The following FSIP2 variants were observed in gnomAD, a reference collection of about 807,000 sequenced individuals.
The protein encoded by FSIP2 is fibrous sheath interacting protein 2, also known as fibrous sheath-interacting protein 2.
In FSIP2, 367 loss-of-function variants were observed where a neutral mutation model predicts 510.5. The ratio of observed to expected loss-of-function variants is 0.72; its 90% confidence interval spans 0.66 to 0.78. FSIP2 has a LOEUF of 0.78. FSIP2 is among the 30% of genes least tolerant of loss of function. The probability of loss-of-function intolerance (pLI) is 0.00; values close to 1 mark genes in which losing one functional copy is unlikely to be tolerated. For synonymous variants in FSIP2, 2,601 were observed against 2,732.2 expected (o/e 0.95, Z 1.50); for missense variants, 7,594 against 7,901.7 (o/e 0.96, Z 1.48).
intron 13 of FSIP2, among the ~76,000 whole-genome samples, chr2:185,772,759 A>G (rs7584319): frequency 0.31 from 47,567 of 151,796 alleles, 7,728 homozygotes; most frequent in Middle Eastern, 0.4. Flanking sequence ...TGTTTTCATA[A>G]TGGTGAATAT....
In FSIP2 at chr2:185,793,246, T is replaced by C. The variant is rs1344590247; in HGVS notation, c.6110T>C (p.Ile2037Thr). Residue 2037 changes from isoleucine to threonine, a missense_variant, in exon 16 of 23, where the codon ATT becomes ACT. Physicochemically the swap from Ile to Thr is moderately conservative, Grantham distance 89. Transcript: ENST00000424728. ...CATGACATTGGGATTTCTGAAAGTA[T>C]TGCAAGTCAAATTGTTAACGCATTG... ...LTHDIGISES[I>T]ASQIVNALLD... The C allele has an allele frequency of 4.6e-6, 7 of 1,534,052 alleles. No individual in the cohort carries two copies. The highest frequency in any genetic ancestry group is 2.0e-5 in the Admixed American group (1 of 50,834).
At chr2:185,786,696 A>G (rs1350801096) in intron 15 of FSIP2, among the ~76,000 whole-genome samples, 1 of 151,858 alleles carries the variant, frequency 6.6e-6, no homozygotes, top group African/African-American at 2.4e-5. Flanking sequence ...AGTTTTGTGA[A>G]AAGGGACCTG....
In FSIP2 at chr2:185,747,819, AAAAG is replaced by A. The variant is rs1692064165; in HGVS notation, c.870+402_870+405del. Reference sequence around the variant, plus strand: ...TTGTGATTTAGAGTGTAAATCAATAAAAAGAAAGAGAAAAATCCTACCACCACCA... The same window carrying A: ...TTGTGATTTAGAGTGTAAATCAATAAAAAGAGAAAAATCCTACCACCACCA... On this transcript the variant is annotated intron_variant, in intron 7 of 22. Coordinates refer to ENST00000424728, the MANE Select transcript of FSIP2 (RefSeq NM_173651.4). Among the ~76,000 whole-genome samples the A allele has an allele frequency of 2.0e-5, 3 of 152,044 alleles. No individual in the cohort carries two copies. The South Asian group carries it at 6.2e-4, about 31-fold the overall frequency.
chr2:185,820,555 A>T lies in FSIP2; in HGVS notation c.20427-3879A>T, dbSNP rs556334173. On this transcript the variant is annotated intron_variant, in intron 19 of 22. Transcript: ENST00000424728. ...CACAGTTTTCTCAAATGCACATAGCACACTCCCCAGGATAAATTATATCTT... is the reference window on the plus strand; with the variant it reads ...CACAGTTTTCTCAAATGCACATAGCTCACTCCCCAGGATAAATTATATCTT... 4.0e-5 allele frequency among the ~76,000 whole-genome samples: 6 copies of T among 151,742 alleles called. No individual in the cohort carries two copies. The East Asian group carries it at 1.2e-3, about 30-fold the overall frequency.
At chr2:185,763,156 A>G (rs1483775569) in intron 11 of FSIP2, 27 bp from the exon 12 acceptor site, 7 of 990,776 alleles carry the variant, frequency 7.1e-6, no homozygotes, top group Non-Finnish European at 1.1e-5. Flanking sequence ...AGCTTCTCAT[A>G]TTTAAAGTTA....
Position 185,803,816 on chromosome 2 carries a change from T to A in FSIP2, c.14510T>A (p.Ile4837Asn). 1 of 1,508,948 alleles carries A rather than the reference T, an allele frequency of 6.6e-7. No individual in the cohort carries two copies. Among genetic ancestry groups the A allele is most frequent in the Non-Finnish European group, 8.8e-7 (1 of 1,131,890 alleles). The allele number at this position is 1,508,948 out of a possible 1,614,324, so 93.5% of individuals were successfully genotyped here. A position where few individuals can be genotyped will look rare whatever the true frequency, so the allele number is the denominator to read the frequency against. The change falls in exon 17 of 23, where the codon ATT becomes AAT. Residue 4837 changes from isoleucine (I) to asparagine (N), a missense_variant. By Grantham distance (149) the Ile-to-Asn change is moderately radical. Coordinates refer to ENST00000424728, the MANE Select transcript of FSIP2 (RefSeq NM_173651.4). ...IKLINEIMSI[I>N]SKHEICIIKY... ...CTGATAAATGAAATTATGTCAATAA[T>A]TTCAAAACATGAAATATGTATTATT...
Position 185,764,537 on chromosome 2 carries a change from C to T in FSIP2, c.1383C>T (p.Thr461=). Reference sequence around the variant, plus strand: ...ATGCTGATTGGGATGGAAGACCAACCAAGAGATCAAGCTATCTCTGCGAAT... The same window carrying T: ...ATGCTGATTGGGATGGAAGACCAACTAAGAGATCAAGCTATCTCTGCGAAT... ...ETNADWDGRP[T]KRSSYLCESG... is the part of the protein sequence containing the mutation. Residue 461 remains threonine (T), a synonymous_variant, in exon 13 of 23, where the codon ACC becomes ACT. Transcript: ENST00000424728. 6.5e-7 allele frequency: 1 copy of T among 1,530,250 alleles called. No homozygotes were observed. The highest frequency in any genetic ancestry group is 8.8e-7 in the Non-Finnish European group (1 of 1,142,726). 94.8% of individuals were successfully genotyped at this position (1,530,250 alleles called of 1,614,324 possible).
At position 185,805,486 on chromosome 2, in the gene FSIP2, A is replaced by T; in HGVS notation, c.16180A>T (p.Ile5394Phe). 1 of 1,611,732 alleles carries T rather than the reference A, an allele frequency of 6.2e-7. No individual in the cohort carries two copies. The highest frequency in any genetic ancestry group is 8.5e-7 in the Non-Finnish European group (1 of 1,178,484). ...CCAGAAGGCAATATCTGCATTCAGG[A>T]TTCAACCACTTTTTTCAGGAGACTG... ...LTQKAISAFR[I>F]QPLFSGDWSS... Residue 5394 changes from isoleucine to phenylalanine, a missense_variant, in exon 17 of 23, where the codon ATT (isoleucine) becomes TTT (phenylalanine). Ile to Phe is a conservative substitution (Grantham distance 21). Coordinates refer to ENST00000424728, the MANE Select transcript of FSIP2 (RefSeq NM_173651.4).
chr2:185,746,490 G>GC (rs1692036788), intron 5 of FSIP2, among the ~76,000 whole-genome samples, 179 bp from the exon 6 acceptor site: 1 of 152,056 alleles, frequency 6.6e-6, no homozygotes, highest in Middle Eastern at 3.2e-3. Flanking sequence ...AACATGGTGA[G>GC]CTGGTGGGTT....
At chr2:185,814,374 G>A (rs1693794376) in intron 18 of FSIP2, among the ~76,000 whole-genome samples, 1 of 152,046 alleles carries the variant, frequency 6.6e-6, no homozygotes, top group African/African-American at 2.4e-5. Flanking sequence ...AACATTTTGT[G>A]TGGAGAGCCT....
upstream of FSIP2, among the ~76,000 whole-genome samples, chr2:185,737,725 G>C (rs187055108): frequency 4.6e-5 from 7 of 152,212 alleles, no homozygotes; most frequent in East Asian, 1.4e-3. Context: ...TGAGATTTGA[G>C]TAGATTGAAT....
chr2:185,746,827 T>A lies in FSIP2; in HGVS notation c.759+17T>A. ...ATAGAAGAGGTGAGAGACAACAACT[T>A]TAAAATATTAACAGAAAAATTGTGT... On this transcript the variant is annotated intron_variant, in intron 6 of 22. Transcript: ENST00000424728. 2.1e-6 allele frequency: 3 copies of A among 1,461,698 alleles called. No homozygotes were observed. The highest frequency in any genetic ancestry group is 2.7e-6 in the Non-Finnish European group (3 of 1,104,306). The allele number at this position is 1,461,698 out of a possible 1,614,324, so 90.5% of individuals were successfully genotyped here.
chr2:185,812,972 T>C (rs1693765457), intron 17 of FSIP2, among the ~76,000 whole-genome samples: 1 of 152,030 alleles, frequency 6.6e-6, no homozygotes, highest in Admixed American at 6.6e-5. Context: ...AACATTGACA[T>C]TGGAAACTGA....
At chr2:185,809,190 T>G in intron 17 of FSIP2, 57 bp downstream of exon 17, 1 of 1,495,736 alleles carries the variant, frequency 6.7e-7, no homozygotes, top group Non-Finnish European at 8.9e-7. Flanking sequence ...GGTTCTTCTG[T>G]GATTTCCTTC....
intron 15 of FSIP2, 116 bp from the exon 16 acceptor site, chr2:185,788,527 C>T: frequency 1.6e-6 from 1 of 625,328 alleles, no homozygotes; most frequent in Admixed American, 3.6e-5. Flanking sequence ...TTTCATAAAC[C>T]ATAATGGTAT....
intron 7 of FSIP2, among the ~76,000 whole-genome samples, chr2:185,748,918 C>CA: frequency 6.6e-6 from 1 of 151,970 alleles, no homozygotes; most frequent in Non-Finnish European, 1.5e-5. Flanking sequence ...TCAGATTTGA[C>CA]ATTATATATT....
In FSIP2 at chr2:185,789,752, A is replaced by C; in HGVS notation, c.2616A>C (p.Lys872Asn). ...TCCTTCAAAGAGCTGGCAAAAATAA[A>C]TCTAGTCTTGAATCTGATGAAGCTA... is the stretch of plus-strand genomic sequence containing the variant. Reference protein sequence around the residue: ...CMFLQRAGKNKSSLESDEASL... With the variant: ...CMFLQRAGKNNSSLESDEASL... Residue 872 changes from lysine to asparagine, a missense_variant, in exon 16 of 23, where the codon AAA becomes AAC. Coordinates refer to ENST00000424728, the MANE Select transcript of FSIP2 (RefSeq NM_173651.4). 6 of 1,534,514 alleles carry C rather than the reference A, an allele frequency of 3.9e-6. No homozygotes were observed. The highest frequency in any genetic ancestry group is 5.2e-6 in the Non-Finnish European group (6 of 1,145,798).
chr2:185,801,256 T>G lies in FSIP2; in HGVS notation c.11950T>G (p.Phe3984Val). Reference protein sequence around the residue: ...TFLEGIISELFFNLSMSLWGK... With the variant: ...TFLEGIISELVFNLSMSLWGK... ...TTTGGAAGGAATAATTTCAGAATTG[T>G]TTTTTAATCTCTCTATGTCATTGTG... Residue 3984 changes from phenylalanine to valine, a missense_variant, in exon 17 of 23, where the codon TTT (phenylalanine) becomes GTT (valine). Coordinates refer to ENST00000424728, the MANE Select transcript of FSIP2 (RefSeq NM_173651.4). 6.5e-7 allele frequency: 1 copy of G among 1,534,162 alleles called. No homozygotes were observed. Among genetic ancestry groups the G allele is most frequent in the Non-Finnish European group, 8.7e-7 (1 of 1,145,538 alleles).
intron 7 of FSIP2, among the ~76,000 whole-genome samples, chr2:185,750,877 A>G (rs1263480069): frequency 6.6e-6 from 1 of 151,494 alleles, no homozygotes; most frequent in African/African-American, 2.4e-5. Flanking sequence ...TTTAGCTTCT[A>G]AATATTTGGA....
Sources: gnomAD v4.1 joint callset for allele counts (sites outside exome capture counted in the v4.1 genomes callset) on GRCh38, gnomAD v4.1.1 for gene constraint, MANE v1.5 for transcripts, NCBI Gene and HGNC (gene_info 2026-07-23, HGNC 2026-07-21) for gene names.